The following ASIC1 variants were observed in gnomAD, a reference collection of about 807,000 sequenced individuals.
The protein encoded by ASIC1 is acid sensing ion channel subunit 1.
ASIC1 carries 21 observed loss-of-function variants against 63.4 expected under a neutral mutation model. The ratio of observed to expected loss-of-function variants is 0.33; its 90% CI spans 0.23 to 0.48. ASIC1 has a LOEUF of 0.48. ASIC1 is among the 20% of genes least tolerant of loss of function. The probability of loss-of-function intolerance (pLI) is 0.99; values close to 1 mark genes in which losing one functional copy is unlikely to be tolerated. For missense variants in ASIC1, 478 were observed against 695.5 expected (o/e 0.69, Z 3.52); for synonymous variants, 258 against 278.2 (o/e 0.93, Z 0.72).
Position 50,081,679 on chromosome 12 carries a change from G to T in ASIC1, c.*30G>T. 6.2e-7 allele frequency: 1 copy of T among 1,605,750 alleles called. No homozygotes were observed. Among genetic ancestry groups the T allele is most frequent in the Non-Finnish European group, 8.5e-7 (1 of 1,175,012 alleles). ...CGCAGGCCGCTGAACCAAAGGCCTA[G>T]ATGGGGAGGACTAGGAGAGCGAGGG... is the stretch of plus-strand genomic sequence containing the variant. On this transcript the variant is annotated 3_prime_UTR_variant, in exon 12 of 12. Coordinates refer to ENST00000447966, the MANE Select transcript of ASIC1 (RefSeq NM_001095.4).
At chr12:50,077,438 C>T (rs1950667957) in intron 4 of ASIC1, 75 bp downstream of exon 4, 1 of 1,586,232 alleles carries the variant, frequency 6.3e-7, no homozygotes, top group Non-Finnish European at 8.6e-7. Context: ...CTGGGCTTCA[C>T]TGTGAGACCT....
chr12:50,077,067 G>A, intron 3 of ASIC1, 146 bp from the exon 4 acceptor site: 2 of 1,300,608 alleles, frequency 1.5e-6, no homozygotes, highest in Non-Finnish European at 2.2e-6. Context: ...ACAGGTGGGA[G>A]AGGGGAGCAA....
At chr12:50,063,662 C>A (rs114208150) in intron 3 of ASIC1, among the ~76,000 whole-genome samples, 2 of 152,226 alleles carry the variant, frequency 1.3e-5, no homozygotes, top group Admixed American at 6.5e-5. Context: ...GAAGCCTCCC[C>A]TGCAATCCAC....
intron 3 of ASIC1, among the ~76,000 whole-genome samples, chr12:50,072,622 G>T (rs933497951): frequency 6.6e-6 from 1 of 152,100 alleles, no homozygotes; most frequent in African/African-American, 2.4e-5. Context: ...AGAATTCCTC[G>T]AACAAACTAA....
chr12:50,076,770 C>T (rs1016336382), intron 3 of ASIC1: 1 of 353,550 alleles, frequency 2.8e-6, no homozygotes. Context: ...ACTAGGAAAT[C>T]GTTATCACTT....
Position 50,081,313 on chromosome 12 carries a change from G to T in ASIC1, c.1431G>T (p.Arg477Ser). Residue 477 changes from arginine (R) to serine (S), a missense_variant, in exon 11 of 12, where the codon AGG becomes AGT. Coordinates refer to ENST00000447966, the MANE Select transcript of ASIC1 (RefSeq NM_001095.4). ...GAAAATGCCAGAAGGAGGCCAAAAG[G>T]AGCAGTGCGGACAAGGGCGTGGCCC... Reference protein sequence around the residue: ...RRGKCQKEAKRSSADKGVALS... With the variant: ...RRGKCQKEAKSSSADKGVALS... The T allele has an allele frequency of 6.2e-7, 1 of 1,611,438 alleles. No homozygotes were observed. Among genetic ancestry groups the T allele is most frequent in the Non-Finnish European group, 8.5e-7 (1 of 1,178,844 alleles).
chr12:50,064,839 G>C (rs1488614747), intron 3 of ASIC1, among the ~76,000 whole-genome samples: 4 of 152,226 alleles, frequency 2.6e-5, no homozygotes, highest in Non-Finnish European at 5.9e-5. Flanking sequence ...GATTAGGGGA[G>C]CGTTAAGCTC....
At position 50,059,061 on chromosome 12, in the gene ASIC1, C is replaced by T. The variant is rs1344612678; in HGVS notation, c.295C>T (p.Arg99Cys). 3 of 1,614,164 alleles carry T rather than the reference C, an allele frequency of 1.9e-6. No individual in the cohort carries two copies. The highest frequency in any genetic ancestry group is 2.2e-5 in the East Asian group (1 of 44,882). Residue 99 changes from arginine to cysteine, a missense_variant, in exon 2 of 12, where the codon CGC (arginine) becomes TGC (cysteine). By Grantham distance (180) the Arg-to-Cys change is radical. Transcript: ENST00000447966. This position sits in a 1 kb window ranked among gnomAD's most constrained non-coding sequence, Gnocchi z 4.6. ...AVTLCNLNEF[R>C]FSQVSKNDLY... Reference sequence around the variant, plus strand: ...CACGCTGTGCAACCTCAACGAGTTCCGCTTTAGCCAAGTCTCCAAGAATGA... The same window carrying T: ...CACGCTGTGCAACCTCAACGAGTTCTGCTTTAGCCAAGTCTCCAAGAATGA...
Position 50,078,657 on chromosome 12 carries a change from C to A in ASIC1, c.994+80C>A. Reference sequence around the variant, plus strand: ...TCACTAGCTCCCCATCCATATCAATCTCCCAACCCCAGTTCCAGCCCACCC... The same window carrying A: ...TCACTAGCTCCCCATCCATATCAATATCCCAACCCCAGTTCCAGCCCACCC... On this transcript the variant is annotated intron_variant, in intron 6 of 11. Transcript: ENST00000447966. The surrounding 1 kb of genome is among the most constrained non-coding windows in gnomAD (Gnocchi z 6.0). 6.3e-7 allele frequency: 1 copy of A among 1,580,034 alleles called. No individual in the cohort carries two copies. Among genetic ancestry groups the A allele is most frequent in the South Asian group, 1.1e-5 (1 of 88,184 alleles).
chr12:50,057,988 T>A lies in ASIC1; in HGVS notation c.-17+72T>A, dbSNP rs2137802345. 6.9e-6 allele frequency: 1 copy of A among 144,950 alleles called. No homozygotes were observed. The highest frequency in any genetic ancestry group is 2.3e-4 in the South Asian group (1 of 4,286). The allele number at this position is 144,950 out of a possible 1,614,324, so 9.0% of individuals were successfully genotyped here. On this transcript the variant is annotated intron_variant, in intron 1 of 11. Coordinates refer to ENST00000447966, the MANE Select transcript of ASIC1 (RefSeq NM_001095.4). This position sits in a 1 kb window ranked among gnomAD's most constrained non-coding sequence, Gnocchi z 4.7. ...CCCGAAGCCGGGACTCTCCTCCCTC[T>A]GGATTTCCCTTGCTGCTGGGGCGGC...
rs766009896 is a variant in ASIC1 at position 50,058,829 on chromosome 12, C to T, written c.63C>T (p.Phe21=). Residue 21 remains phenylalanine, a synonymous_variant, in exon 2 of 12, where the codon TTC becomes TTT. Transcript: ENST00000447966. The part of the protein sequence containing the change: ...GGVQPVSIQA[F]ASSSTLHGLA... ...TCCAGCCGGTGAGCATCCAGGCCTT[C>T]GCCAGCAGCTCCACACTGCACGGCC... 50 of 1,607,646 alleles carry T rather than the reference C, an allele frequency of 3.1e-5. No homozygotes were observed. The highest frequency in any genetic ancestry group is 3.9e-5 in the Non-Finnish European group (46 of 1,175,084).
At chr12:50,070,602 C>T (rs541271634) in intron 3 of ASIC1, 27 of 152,328 alleles carry the variant, frequency 1.8e-4, no homozygotes, top group African/African-American at 5.8e-4. Context: ...TGGAAGCTCC[C>T]GCTGCCTTAG....
rs1166459044 is a variant in ASIC1, at chr12:50,059,928, G to T, written c.532G>T (p.Val178Phe). The T allele has an allele frequency of 1.2e-6, 2 of 1,614,142 alleles. No individual in the cohort carries two copies. The highest frequency in any genetic ancestry group is 8.5e-7 in the Non-Finnish European group (1 of 1,180,018). The change falls in exon 3 of 12, where the codon GTC becomes TTC. Residue 178 changes from valine to phenylalanine, a missense_variant. Around this residue, in one of 3 missense-constraint regions of ASIC1, gnomAD observed 290 missense variants for 414.9 expected, o/e 0.70. Coordinates refer to ENST00000447966, the MANE Select transcript of ASIC1 (RefSeq NM_001095.4). The surrounding 1 kb of genome is among the most constrained non-coding windows in gnomAD (Gnocchi z 4.6). ...MLLSCHFRGE[V>F]CSAEDFKVVF... Reference sequence around the variant, plus strand: ...GCTCTCCTGCCACTTCCGGGGGGAGGTCTGCAGCGCTGAAGACTTCAAGGT... The same window carrying T: ...GCTCTCCTGCCACTTCCGGGGGGAGTTCTGCAGCGCTGAAGACTTCAAGGT...
chr12:50,079,959 C>T lies in ASIC1; in HGVS notation c.1109C>T (p.Thr370Ile). The T allele has an allele frequency of 1.9e-6, 3 of 1,614,034 alleles. No homozygotes were observed. The highest frequency in any genetic ancestry group is 1.7e-6 in the Non-Finnish European group (2 of 1,179,980). ...YCVCEMPCNLTRYGKELSMVK... is the reference protein window; with the variant it reads ...YCVCEMPCNLIRYGKELSMVK... ...GTGTGTGAAATGCCTTGCAACCTGA[C>T]CCGCTATGGCAAAGAGCTGTCCATG... The change falls in exon 8 of 12, where the codon ACC becomes ATC. Residue 370 changes from threonine (T) to isoleucine (I), a missense_variant. Physicochemically the swap from Thr to Ile is moderately conservative, Grantham distance 89. Coordinates refer to ENST00000447966, the MANE Select transcript of ASIC1 (RefSeq NM_001095.4).
At chr12:50,064,667 A>G (rs117863863) in intron 3 of ASIC1, among the ~76,000 whole-genome samples, 4,337 of 152,330 alleles carry the variant, frequency 0.028, 88 homozygotes, top group Non-Finnish European at 0.048. Flanking sequence ...TGGCCACTGC[A>G]TGCCCAGTGT....
chr12:50,078,801 G>T lies in ASIC1; in HGVS notation c.995-123G>T, dbSNP rs913441453. On this transcript the variant is annotated intron_variant, in intron 6 of 11. Coordinates refer to ENST00000447966, the MANE Select transcript of ASIC1 (RefSeq NM_001095.4). This position sits in a 1 kb window ranked among gnomAD's most constrained non-coding sequence, Gnocchi z 6.0. Reference sequence around the variant, plus strand: ...GAGTGGGTCACTTCTGGGGCAGCATGGGGGCCTGCCAGTCCTCCCTTCCCA... The same window carrying T: ...GAGTGGGTCACTTCTGGGGCAGCATTGGGGCCTGCCAGTCCTCCCTTCCCA... 5 of 1,342,822 alleles carry T rather than the reference G, an allele frequency of 3.7e-6. No individual in the cohort carries two copies. Among genetic ancestry groups the T allele is most frequent in the Non-Finnish European group, 5.3e-6 (5 of 938,672 alleles). The allele number at this position is 1,342,822 out of a possible 1,614,324, so 83.2% of individuals were successfully genotyped here.
At chr12:50,066,885 T>A (rs1404771954) in intron 3 of ASIC1, among the ~76,000 whole-genome samples, 1 of 152,194 alleles carries the variant, frequency 6.6e-6, no homozygotes, top group Non-Finnish European at 1.5e-5. Context: ...TTATCTAGGA[T>A]AAAGTCTCAA....
chr12:50,068,920 C>T (rs1184120130), intron 3 of ASIC1, among the ~76,000 whole-genome samples: 1 of 152,186 alleles, frequency 6.6e-6, no homozygotes, highest in Non-Finnish European at 1.5e-5. Context: ...AGCAGCCCTT[C>T]TATATCCTTC....
At chr12:50,070,789 G>A (rs1950592042) in intron 3 of ASIC1, 1 of 152,380 alleles carries the variant, frequency 6.6e-6, no homozygotes, top group African/African-American at 2.4e-5. Context: ...CAAAGGAGGA[G>A]GCCCCTGCCC....
Sources: gnomAD v4.1 joint callset for allele counts (sites outside exome capture counted in the v4.1 genomes callset) on GRCh38, gnomAD v4.1.1 for gene constraint, gnomAD v4.1.1 regional missense constraint, Gnocchi (gnomAD v3.1) non-coding constraint, MANE v1.5 for transcripts, NCBI Gene and HGNC (gene_info 2026-07-23, HGNC 2026-07-21) for gene names.